The following C2CD5 variants were observed in gnomAD, a reference collection of about 807,000 sequenced individuals.
C2CD5 encodes C2 domain-containing protein 5.
A neutral mutation model predicts 130.3 loss-of-function variants in C2CD5; 109 were observed. That is an observed-to-expected ratio of 0.84 (90% CI 0.72 to 0.98). The LOEUF is 0.98. C2CD5 is among the 50% of genes least tolerant of loss of function. The pLI is 0.00. For synonymous variants in C2CD5, 454 were observed against 429.2 expected, an observed-to-expected ratio of 1.06 and a Z score of -0.71; for missense variants, 996 against 1,261.8, an observed-to-expected ratio of 0.79 and a Z score of 3.19.
chr12:22,488,599 G>A (rs899650281), intron 12 of C2CD5, among the ~76,000 whole-genome samples: 2 of 152,004 alleles, frequency 1.3e-5, no homozygotes, highest in Admixed American at 6.6e-5. Flanking sequence ...ATCTACAGAC[G>A]TGTAAGAACT....
At chr12:22,540,434 T>C (rs1476493508) in intron 2 of C2CD5, among the ~76,000 whole-genome samples, 3 of 152,214 alleles carry the variant, frequency 2.0e-5, no homozygotes, top group Non-Finnish European at 2.9e-5. Flanking sequence ...GTGAATGAAG[T>C]TTTTTTAAAT....
chr12:22,544,009 T>C, intron 2 of C2CD5, 52 bp downstream of exon 2: 1 of 1,389,428 alleles, frequency 7.2e-7, no homozygotes, highest in Non-Finnish European at 1.0e-6. Context: ...GGGTAGATCC[T>C]TCACAGGGCT....
At chr12:22,521,065 G>T (rs1180778728) in intron 7 of C2CD5, among the ~76,000 whole-genome samples, 1 of 151,982 alleles carries the variant, frequency 6.6e-6, no homozygotes, top group Non-Finnish European at 1.5e-5. Flanking sequence ...TTCCTTTCCA[G>T]TCAGTCAATA....
At position 22,519,014 on chromosome 12, in the gene C2CD5, A is replaced by G. The variant is rs1036156441; in HGVS notation, c.801-877T>C. ...TTCGAGTAAGAAAAGGATGAAGCAA[A>G]GATTTATGGTACCTGCCTACACTAC... is the stretch of plus-strand genomic sequence containing the variant. On this transcript the variant is annotated intron_variant, in intron 7 of 26. Transcript: ENST00000446597. 5.0e-6 allele frequency: 5 copies of G among 1,009,768 alleles called. No individual in the cohort carries two copies. The African/African-American group carries it at 6.6e-5, about 13-fold the overall frequency. The allele number at this position is 1,009,768 out of a possible 1,614,324, so 62.6% of individuals were successfully genotyped here.
intron 2 of C2CD5, among the ~76,000 whole-genome samples, chr12:22,540,774 G>A (rs1011303501): frequency 9.9e-5 from 15 of 152,214 alleles, no homozygotes; most frequent in African/African-American, 3.6e-4. Context: ...CAGGACAATC[G>A]CTTGAACCCA....
intron 7 of C2CD5, among the ~76,000 whole-genome samples, chr12:22,521,272 T>C (rs1277488738): frequency 6.6e-6 from 1 of 152,202 alleles, no homozygotes; most frequent in Non-Finnish European, 1.5e-5. Context: ...AAAAAATAAC[T>C]TGACTTAATT....
At chr12:22,451,043 T>G (rs938154982) in intron 26 of C2CD5, among the ~76,000 whole-genome samples, 1 of 151,564 alleles carries the variant, frequency 6.6e-6, no homozygotes. Context: ...ATGTATAAAA[T>G]CTCTCTGGTT....
At chr12:22,464,975 A>T (rs1431160874) in intron 22 of C2CD5, among the ~76,000 whole-genome samples, 1 of 152,160 alleles carries the variant, frequency 6.6e-6, no homozygotes, top group Non-Finnish European at 1.5e-5. Context: ...TTAAAATCAA[A>T]TCTGTGAATG....
At chr12:22,518,785 C>A (rs1462388255) in intron 7 of C2CD5, among the ~76,000 whole-genome samples, 1 of 152,134 alleles carries the variant, frequency 6.6e-6, no homozygotes, top group Non-Finnish European at 1.5e-5. Context: ...ATCTAATCAT[C>A]AATTTTATTT....
In C2CD5 at chr12:22,490,128, T is replaced by C; in HGVS notation, c.1353A>G (p.Glu451=). Residue 451 remains glutamate, a synonymous_variant, in exon 12 of 27, where the codon GAA becomes GAG. Transcript: ENST00000446597. ...LQDGTVEGCL[E]QRLEENLPTR... is the part of the protein sequence containing the mutation. ...AGCCAGGCTGCCATGACAACCTCTG[T>C]TCCAAACAGCCTTCCACGGTGCCAT... is the stretch of plus-strand genomic sequence containing the variant. 2 of 1,612,142 alleles carry C rather than the reference T, an allele frequency of 1.2e-6. No individual in the cohort carries two copies. Among genetic ancestry groups the C allele is most frequent in the Non-Finnish European group, 1.7e-6 (2 of 1,178,314 alleles).
chr12:22,512,653 T>TC (rs1299297333), intron 9 of C2CD5: 1 of 1,492,076 alleles, frequency 6.7e-7, no homozygotes, highest in Non-Finnish European at 8.9e-7. Flanking sequence ...ATACCCGCCT[T>TC]CTACAGAACC....
In C2CD5 at chr12:22,541,395, T is replaced by C. The variant is rs187416187; in HGVS notation, c.90+2666A>G. Among the ~76,000 whole-genome samples, 433 of 152,308 alleles carry C rather than the reference T, an allele frequency of 2.8e-3. 5 individuals are homozygous for C. The highest frequency in any genetic ancestry group is 0.01 in the African/African-American group (422 of 41,568). ...CTTCAATCCATTCTCCATATAACAG[T>C]GCTCATCTTAACAAGGGCTTCTCAA... On this transcript the variant is annotated intron_variant, in intron 2 of 26. Transcript: ENST00000446597.
At position 22,492,792 on chromosome 12, in the gene C2CD5, A is replaced by G. The variant is rs533905057; in HGVS notation, c.1262+431T>C. Among the ~76,000 whole-genome samples the G allele has an allele frequency of 3.3e-5, 5 of 152,300 alleles. No homozygotes were observed. The East Asian group carries it at 9.6e-4, about 29-fold the overall frequency. On this transcript the variant is annotated intron_variant, in intron 11 of 26. Coordinates refer to ENST00000446597, the MANE Select transcript of C2CD5 (RefSeq NM_001286176.2). ...AAGAAACGTTACATTACAGTAGGTA[A>G]AAGGAGGCAGAATGAGTTTATGGAC...
Position 22,458,579 on chromosome 12 carries a change from G to A in C2CD5, c.2591C>T (p.Ser864Leu). The change falls in exon 24 of 27, where the codon TCA becomes TTA. Residue 864 changes from serine (S) to leucine (L), a missense_variant. Coordinates refer to ENST00000446597, the MANE Select transcript of C2CD5 (RefSeq NM_001286176.2). ...SGIPAAQRAT[S>L]VDYSSFADRC... is the part of the protein sequence containing the mutation. ...GTCTGCAAAGGAACTGTAATCAACT[G>A]ACGTTGCTGAAAACACAGACAGAAA... 2 of 1,266,226 alleles carry A rather than the reference G, an allele frequency of 1.6e-6. No homozygotes were observed. Among genetic ancestry groups the A allele is most frequent in the Admixed American group, 3.9e-5 (1 of 25,902 alleles). 78.4% of individuals were successfully genotyped at this position (1,266,226 alleles called of 1,614,324 possible).
chr12:22,472,861 C>A, intron 16 of C2CD5, 54 bp from the exon 17 acceptor site: 3 of 990,336 alleles, frequency 3.0e-6, no homozygotes, highest in Non-Finnish European at 4.8e-6. Flanking sequence ...AATTATTTCA[C>A]GTTTTAAAAG....
rs1952751835 is a variant in C2CD5 at position 22,544,422 on chromosome 12, A to G, written c.-132T>C. The G allele has an allele frequency of 3.1e-6, 1 of 325,596 alleles. No individual in the cohort carries two copies. Among genetic ancestry groups the G allele is most frequent in the African/African-American group, 2.2e-5 (1 of 45,180 alleles). The allele number at this position is 325,596 out of a possible 1,614,324, so 20.2% of individuals were successfully genotyped here. ...ATGGGTTCTTCCGTCCCGGCCCCAC[A>G]AGGCTGGGACGAAAAGCAAAACCCA... On this transcript the variant is annotated 5_prime_UTR_variant, in exon 1 of 27. Transcript: ENST00000446597.
intron 9 of C2CD5, among the ~76,000 whole-genome samples, chr12:22,512,274 C>G (rs1479108132): frequency 6.6e-6 from 1 of 152,132 alleles, no homozygotes; most frequent in Non-Finnish European, 1.5e-5. Context: ...AGGAGAAATA[C>G]TTTAGTTTTA....
chr12:22,470,765 A>C, intron 21 of C2CD5, 59 bp downstream of exon 21: 1 of 1,010,306 alleles, frequency 9.9e-7, no homozygotes, highest in Non-Finnish European at 1.5e-6. Flanking sequence ...TGTATATTTT[A>C]TCACTGAACC....
chr12:22,532,455 AAAAC>A (rs1951382372), intron 3 of C2CD5, among the ~76,000 whole-genome samples: 1 of 152,198 alleles, frequency 6.6e-6, no homozygotes, highest in African/African-American at 2.4e-5. Flanking sequence ...TGTTTGAAAA[AAAAC>A]AGAGGCTCCA....
Sources: allele counts gnomAD v4.1 joint callset (sites outside exome capture counted in the v4.1 genomes callset), GRCh38; gene constraint gnomAD v4.1.1; transcripts MANE v1.5; gene names NCBI Gene and HGNC (gene_info 2026-07-23, HGNC 2026-07-21).